The following NAALADL2 variants were observed in gnomAD, a reference collection of about 807,000 sequenced individuals.
NAALADL2 encodes inactive N-acetylated-alpha-linked acidic dipeptidase-like protein 2.
NAALADL2 carries 76 observed loss-of-function variants against 87.2 expected under a neutral mutation model. That is an observed-to-expected ratio of 0.87 (90% CI 0.72 to 1.05). The LOEUF (loss-of-function observed/expected upper bound fraction) is 1.05. NAALADL2 is among the 50% of genes least tolerant of loss of function. The probability of loss-of-function intolerance (pLI) is 0.00; values close to 1 mark genes in which losing one functional copy is unlikely to be tolerated. For missense variants in NAALADL2, 1,089 were observed against 945.8 expected (o/e 1.15, Z -1.99); for synonymous variants, 354 against 331.0 (o/e 1.07, Z -0.75).
intron 3 of NAALADL2, among the ~76,000 whole-genome samples, chr3:174,845,229 G>A (rs1724483419): frequency 1.3e-5 from 2 of 152,186 alleles, no homozygotes; most frequent in Non-Finnish European, 1.5e-5. Flanking sequence ...CTCCAGGCTG[G>A]CTGTTTTGTT....
chr3:174,562,588 T>G (rs1207972792), intron 2 of NAALADL2, among the ~76,000 whole-genome samples: 1 of 152,140 alleles, frequency 6.6e-6, no homozygotes, highest in Admixed American at 6.6e-5. Context: ...CAGTCATATA[T>G]TAGCATTCTT....
chr3:175,071,243 A>C (rs1414604443), intron 1 of NAALADL2, among the ~76,000 whole-genome samples: 1 of 152,142 alleles, frequency 6.6e-6, no homozygotes, highest in Non-Finnish European at 1.5e-5. Flanking sequence ...GTTTTGGTGT[A>C]AAGAATGTTT....
At chr3:175,185,317 A>G (rs572908872) in intron 2 of NAALADL2, among the ~76,000 whole-genome samples, 18 of 152,204 alleles carry the variant, frequency 1.2e-4, no homozygotes, top group African/African-American at 3.8e-4. Flanking sequence ...AGACTTGTCT[A>G]CATATGCACA....
intron 5 of NAALADL2, among the ~76,000 whole-genome samples, chr3:175,395,687 G>A (rs1269349240): frequency 1.3e-5 from 2 of 152,132 alleles, no homozygotes; most frequent in East Asian, 3.9e-4. Flanking sequence ...ATGTAATTTT[G>A]TGAAGTATTA....
chr3:175,474,894 C>T (rs1201778417), intron 9 of NAALADL2, among the ~76,000 whole-genome samples: 1 of 151,892 alleles, frequency 6.6e-6, no homozygotes, highest in East Asian at 1.9e-4. Flanking sequence ...TCTATTCCTC[C>T]ACCTTGCTCT....
intron 3 of NAALADL2, among the ~76,000 whole-genome samples, chr3:174,790,323 A>G (rs547520041): frequency 3.2e-4 from 48 of 152,226 alleles, no homozygotes; most frequent in African/African-American, 1.1e-3. Flanking sequence ...CCTCCTTTCC[A>G]TTACATGCCT....
intron 6 of NAALADL2, among the ~76,000 whole-genome samples, chr3:175,455,760 G>T (rs964296137): frequency 3.3e-5 from 5 of 152,034 alleles, no homozygotes; most frequent in Non-Finnish European, 7.4e-5. Flanking sequence ...ATTTAGGAAA[G>T]ATAGCTGCAG....
At chr3:174,969,350 TCTTA>T (rs1474545053) in intron 1 of NAALADL2, among the ~76,000 whole-genome samples, 2 of 152,162 alleles carry the variant, frequency 1.3e-5, no homozygotes, top group African/African-American at 4.8e-5. Context: ...GTAACACTCC[TCTTA>T]CTTTTAATAT....
intron 4 of NAALADL2, among the ~76,000 whole-genome samples, chr3:175,302,821 G>T (rs577261806): frequency 1.4e-5 from 2 of 143,860 alleles, no homozygotes; most frequent in Non-Finnish European, 3.0e-5. Context: ...TTGACCTGTC[G>T]AAACGTGTGT....
intron 11 of NAALADL2, among the ~76,000 whole-genome samples, chr3:175,725,647 G>T (rs1467155941): frequency 6.6e-6 from 1 of 152,016 alleles, no homozygotes; most frequent in Admixed American, 6.6e-5. Context: ...AAATTTCAAA[G>T]GTGCTAATTA....
At chr3:175,403,789 A>G (rs560391890) in intron 5 of NAALADL2, among the ~76,000 whole-genome samples, 1 of 152,158 alleles carries the variant, frequency 6.6e-6, no homozygotes, top group Non-Finnish European at 1.5e-5. Flanking sequence ...TGGCTGCCAC[A>G]AAGATTTGGT....
chr3:174,887,466 A>G (rs528199069), intron 1 of NAALADL2, among the ~76,000 whole-genome samples: 3 of 152,202 alleles, frequency 2.0e-5, no homozygotes, highest in South Asian at 2.1e-4. Flanking sequence ...TCTGAGTTTA[A>G]TTTAAAAGTG....
intron 1 of NAALADL2, among the ~76,000 whole-genome samples, chr3:174,965,179 G>A (rs1370557243): frequency 2.0e-5 from 3 of 152,116 alleles, no homozygotes; most frequent in Admixed American, 2.0e-4. Flanking sequence ...TTAGTCACAA[G>A]GCTATTGGCT....
intron 4 of NAALADL2, among the ~76,000 whole-genome samples, chr3:175,314,696 A>ATATAGTTCTAAC (rs1553857594): frequency 0.011 from 1,006 of 87,828 alleles, 68 homozygotes; most frequent in East Asian, 0.03. Flanking sequence ...ATATATATAT[A>ATATAGTTCTAAC]TATATATATA....
chr3:174,953,826 T>G (rs1046577889), intron 1 of NAALADL2, among the ~76,000 whole-genome samples: 2 of 152,036 alleles, frequency 1.3e-5, no homozygotes, highest in African/African-American at 4.8e-5. Flanking sequence ...CTCATGGAAT[T>G]AATCACTTTT....
At chr3:175,647,158 G>A (rs1247583921) in intron 11 of NAALADL2, among the ~76,000 whole-genome samples, 1 of 152,116 alleles carries the variant, frequency 6.6e-6, no homozygotes, top group Admixed American at 6.6e-5. Flanking sequence ...ATATGGCCAT[G>A]TCTAACTTCA....
At chr3:175,017,224 T>A (rs1327410690) in intron 1 of NAALADL2, among the ~76,000 whole-genome samples, 1 of 152,062 alleles carries the variant, frequency 6.6e-6, no homozygotes, top group Admixed American at 6.6e-5. Context: ...ACCGTATATC[T>A]TATATAGCAG....
At chr3:175,068,396 C>T (rs1580279076) in intron 1 of NAALADL2, among the ~76,000 whole-genome samples, 1 of 152,170 alleles carries the variant, frequency 6.6e-6, no homozygotes, top group East Asian at 1.9e-4. Flanking sequence ...GAAGAAATTT[C>T]AGAACTTTCT....
intron 2 of NAALADL2, among the ~76,000 whole-genome samples, chr3:175,104,376 C>G (rs1340246508): frequency 6.6e-6 from 1 of 152,060 alleles, no homozygotes; most frequent in Non-Finnish European, 1.5e-5. Context: ...TCTCCTCTGA[C>G]CCCACAAGAA....
Sources: gnomAD v4.1 joint callset for allele counts (sites outside exome capture counted in the v4.1 genomes callset) on GRCh38, gnomAD v4.1.1 for gene constraint, MANE v1.5 for transcripts, NCBI Gene and HGNC (gene_info 2026-07-23, HGNC 2026-07-21) for gene names.